The following DROSHA variants were observed in gnomAD, a reference collection of about 807,000 sequenced individuals.
DROSHA encodes ribonuclease 3.
Under a neutral mutation model 181.9 loss-of-function variants are expected in DROSHA, and 56 were observed. That is an observed-to-expected ratio of 0.31 (90% CI 0.25 to 0.38). DROSHA has a LOEUF of 0.38. Among genes scored for constraint, DROSHA ranks in the 10% least tolerant of loss-of-function variants. The pLI is 1.00. For missense variants in DROSHA, 1,218 were observed against 1,743.5 expected (o/e 0.70, Z 5.37); for synonymous variants, 524 against 591.2 (o/e 0.89, Z 1.65).
intron 24 of DROSHA, among the ~76,000 whole-genome samples, chr5:31,436,393 CTTTT>C (rs5867078): frequency 7.5e-6 from 1 of 133,126 alleles, no homozygotes; most frequent in African/African-American, 2.9e-5. Context: ...GCCCCTATTC[CTTTT>C]TTTTTTTTTT....
intron 23 of DROSHA, among the ~76,000 whole-genome samples, chr5:31,448,093 A>G (rs902945948): frequency 1.3e-5 from 2 of 152,372 alleles, no homozygotes; most frequent in South Asian, 4.1e-4. Flanking sequence ...AAAAGTGGAA[A>G]CAATCCATGT....
At chr5:31,442,160 G>T (rs1161135058) in intron 23 of DROSHA, among the ~76,000 whole-genome samples, 1 of 152,140 alleles carries the variant, frequency 6.6e-6, no homozygotes, top group African/African-American at 2.4e-5. Context: ...CAAGGTCATG[G>T]TTCTAAACAG....
At chr5:31,461,177 A>G (rs2150022452) in intron 20 of DROSHA, among the ~76,000 whole-genome samples, 1 of 152,320 alleles carries the variant, frequency 6.6e-6, no homozygotes, top group East Asian at 1.9e-4. Context: ...AAAACATTTT[A>G]TCTGATTTCT....
intron 2 of DROSHA, among the ~76,000 whole-genome samples, chr5:31,531,207 G>A (rs1309870608): frequency 6.6e-6 from 1 of 152,182 alleles, no homozygotes; most frequent in Admixed American, 6.5e-5. Flanking sequence ...CAAAAAAGAG[G>A]TATGTGCAGG....
intron 26 of DROSHA, among the ~76,000 whole-genome samples, chr5:31,430,386 C>T (rs1052546046): frequency 2.0e-5 from 3 of 152,118 alleles, no homozygotes; most frequent in Non-Finnish European, 4.4e-5. Flanking sequence ...TTAGAAAAGA[C>T]TTACAGGATT....
chr5:31,408,967 C>CGA, intron 33 of DROSHA, 89 bp downstream of exon 33: 5 of 1,234,190 alleles, frequency 4.1e-6, no homozygotes, highest in Non-Finnish European at 5.7e-6. Context: ...TCATGATCAC[C>CGA]CCACAATGAC....
At chr5:31,403,216 C>T (rs1411170945) in intron 35 of DROSHA, among the ~76,000 whole-genome samples, 3 of 152,240 alleles carry the variant, frequency 2.0e-5, no homozygotes, top group East Asian at 1.9e-4. Context: ...AAACAAACCC[C>T]ACTAAGCTGT....
intron 35 of DROSHA, among the ~76,000 whole-genome samples, chr5:31,404,697 C>A (rs1466380663): frequency 6.6e-6 from 1 of 152,166 alleles, no homozygotes; most frequent in African/African-American, 2.4e-5. Flanking sequence ...CAGTTTCCTA[C>A]AAGGTCAATC....
At chr5:31,457,702 CA>C (rs1160166696) in intron 20 of DROSHA, among the ~76,000 whole-genome samples, 1 of 152,048 alleles carries the variant, frequency 6.6e-6, no homozygotes, top group Non-Finnish European at 1.5e-5. Flanking sequence ...CGAGCCTGGG[CA>C]ACAAAACTAG....
chr5:31,474,826 G>A (rs2150030811), intron 16 of DROSHA, among the ~76,000 whole-genome samples: 1 of 152,258 alleles, frequency 6.6e-6, no homozygotes, highest in African/African-American at 2.4e-5. Flanking sequence ...GAGGATATAA[G>A]AAGATGGCTG....
intron 29 of DROSHA, among the ~76,000 whole-genome samples, chr5:31,422,171 C>CA (rs899995820): frequency 1.4e-4 from 21 of 147,574 alleles, no homozygotes; most frequent in South Asian, 4.3e-4. Context: ...AATTTTAAAA[C>CA]AAAAAAAAAT....
At chr5:31,426,258 A>G (rs988519697) in intron 27 of DROSHA, among the ~76,000 whole-genome samples, 1 of 151,864 alleles carries the variant, frequency 6.6e-6, no homozygotes, top group East Asian at 1.9e-4. Context: ...TACTGAAAAG[A>G]TCTAGACTGG....
Position 31,521,231 on chromosome 5 carries a change from A to T in DROSHA, c.855-16T>A, listed in dbSNP as rs778422721. On this transcript the variant is annotated splice_polypyrimidine_tract_variant and intron_variant, in intron 5 of 35. Transcript: ENST00000344624. ...TTCTCGCTCTCTTAAAGGAATTAAT[A>T]CACAGAGCTGTTTTCAACAGAAAGA... 1 of 1,612,866 alleles carries T rather than the reference A, an allele frequency of 6.2e-7. No individual in the cohort carries two copies. Among genetic ancestry groups the T allele is most frequent in the Non-Finnish European group, 8.5e-7 (1 of 1,179,012 alleles).
At chr5:31,449,151 A>G in intron 22 of DROSHA, 130 bp downstream of exon 22, 6 of 1,057,476 alleles carry the variant, frequency 5.7e-6, no homozygotes, top group Non-Finnish European at 7.8e-6. Context: ...AAAAAAAAAG[A>G]GTCAGTAAGC....
intron 23 of DROSHA, among the ~76,000 whole-genome samples, chr5:31,440,773 T>C (rs1165613241): frequency 6.6e-5 from 10 of 152,180 alleles, no homozygotes; most frequent in Admixed American, 3.9e-4. Context: ...ACTTTGTCTA[T>C]ACAAAAGTAT....
At chr5:31,426,089 G>C (rs140890860) in intron 27 of DROSHA, among the ~76,000 whole-genome samples, 2 of 151,656 alleles carry the variant, frequency 1.3e-5, no homozygotes, top group Non-Finnish European at 2.9e-5. Flanking sequence ...GTCTTATACC[G>C]AAACAAGACT....
intron 30 of DROSHA, among the ~76,000 whole-genome samples, chr5:31,418,793 T>C (rs1185223998): frequency 1.3e-5 from 2 of 152,106 alleles, no homozygotes; most frequent in Non-Finnish European, 1.5e-5. Flanking sequence ...CATGCAACAC[T>C]GAATGGGTGG....
Position 31,515,038 on chromosome 5 carries a change from G to A in DROSHA, c.1240C>T (p.Arg414Ter), listed in dbSNP as rs1202201920. 1.2e-6 allele frequency: 2 copies of A among 1,613,858 alleles called. No homozygotes were observed. The highest frequency in any genetic ancestry group is 1.3e-5 in the African/African-American group (1 of 74,982). The change falls in exon 8 of 36, where the codon CGA becomes TGA. Residue 414 changes from arginine (R) to a stop codon, truncating the protein, a stop_gained. Transcript: ENST00000344624. LOFTEE classifies it high-confidence loss of function. ...TAGTAGTTTTCTGAATGAGTGCATC[G>A]AATCCACACAGGCTTAAGAAGTTCT... is the stretch of plus-strand genomic sequence containing the variant. The part of the protein sequence containing the change: ...EEELLKPVWI[R>*]CTHSENYYSS...
In DROSHA at chr5:31,483,612, G is replaced by A. The variant is rs769172912; in HGVS notation, c.2013C>T (p.Asp671=). 3.7e-6 allele frequency: 6 copies of A among 1,602,182 alleles called. No homozygotes were observed. The South Asian group carries it at 6.6e-5, about 18-fold the overall frequency. ...DWNLKGPLFE[D]SPPCCPRFHF... ...GAAATCTTGGGCAGCAGGGAGGGCTGTCTTCAAACAAAGGACCTGAAGCAA... is the reference window on the plus strand; with the variant it reads ...GAAATCTTGGGCAGCAGGGAGGGCTATCTTCAAACAAAGGACCTGAAGCAA... Residue 671 remains aspartate (D), a synonymous_variant, in exon 16 of 36, where the codon GAC becomes GAT. Transcript: ENST00000344624.
Sources: allele counts gnomAD v4.1 joint callset (sites outside exome capture counted in the v4.1 genomes callset), GRCh38; gene constraint gnomAD v4.1.1; transcripts MANE v1.5; gene names NCBI Gene and HGNC (gene_info 2026-07-23, HGNC 2026-07-21).